The following INPP5A variants were observed in gnomAD, a reference collection of about 807,000 sequenced individuals.
INPP5A encodes inositol polyphosphate-5-phosphatase A.
Under a neutral mutation model 65.2 loss-of-function variants are expected in INPP5A, and 14 were observed. The observed-to-expected ratio is 0.21, with a 90% CI of 0.14 to 0.34. The LOEUF is 0.34. Among genes scored for constraint, INPP5A ranks in the 10% least tolerant of loss-of-function variants. The probability of loss-of-function intolerance (pLI) is 1.00; values close to 1 mark genes in which losing one functional copy is unlikely to be tolerated. For synonymous variants in INPP5A, 207 were observed against 208.3 expected, an observed-to-expected ratio of 0.99 and a Z score of 0.05; for missense variants, 431 against 545.6, an observed-to-expected ratio of 0.79 and a Z score of 2.09.
rs546813822 is a variant in INPP5A at position 132,543,473 on chromosome 10, A to G, written c.75+5302A>G. 3.3e-5 allele frequency among the ~76,000 whole-genome samples: 5 copies of G among 152,248 alleles called. No individual in the cohort carries two copies. The East Asian group carries it at 5.8e-4, about 18-fold the overall frequency. ...TGCTGTTCACCCAGACTGGAATGCA[A>G]TGGTGTGATCGCAGCTCACTGTAGC... On this transcript the variant is annotated intron_variant, in intron 1 of 15. Transcript: ENST00000368594.
At chr10:132,638,621 G>A (rs948694567) in intron 2 of INPP5A, among the ~76,000 whole-genome samples, 5 of 152,186 alleles carry the variant, frequency 3.3e-5, no homozygotes, top group African/African-American at 1.2e-4. Flanking sequence ...AGGCTGGAGT[G>A]CAGTGGCACA....
rs549738630 is a variant in INPP5A, at chr10:132,642,982, C to T, written c.118-2886C>T. Among the ~76,000 whole-genome samples, 13 of 152,264 alleles carry T rather than the reference C, an allele frequency of 8.5e-5. No homozygotes were observed. The East Asian group carries it at 2.3e-3, about 27-fold the overall frequency. On this transcript the variant is annotated intron_variant, in intron 2 of 15. Coordinates refer to ENST00000368594, the MANE Select transcript of INPP5A (RefSeq NM_005539.5). ...CAGTACAAAGCAGGTGTTGCCAGGTCGCTCTGTGGGAGATGTTGACTTTAA... is the reference window on the plus strand; with the variant it reads ...CAGTACAAAGCAGGTGTTGCCAGGTTGCTCTGTGGGAGATGTTGACTTTAA...
At position 132,709,782 on chromosome 10, in the gene INPP5A, G is replaced by A. The variant is rs1306753626; in HGVS notation, c.528-555G>A. 2.0e-5 allele frequency among the ~76,000 whole-genome samples: 3 copies of A among 152,354 alleles called. No individual in the cohort carries two copies. In the East Asian group the frequency reaches 5.8e-4, roughly 29 times the overall value. ...TCCCCTGGTGAGAGGGCACGTCCTT[G>A]CCAGCTGAAGGTGCTGAGGGTCCCC... On this transcript the variant is annotated intron_variant, in intron 7 of 15. Transcript: ENST00000368594.
At position 132,738,948 on chromosome 10, in the gene INPP5A, A is replaced by T. The variant is rs949467271; in HGVS notation, c.733-10569A>T. 2.0e-4 allele frequency among the ~76,000 whole-genome samples: 31 copies of T among 152,246 alleles called. No individual in the cohort carries two copies. The Middle Eastern group carries it at 0.01, about 50-fold the overall frequency. On this transcript the variant is annotated intron_variant, in intron 9 of 15. Coordinates refer to ENST00000368594, the MANE Select transcript of INPP5A (RefSeq NM_005539.5). ...TCACGGTGGGCACTTTTGTCAAGTG[A>T]TAGGGTCCCCCTTCGGGTCTAGGGT...
At chr10:132,552,463 G>A (rs1368557932) in intron 1 of INPP5A, among the ~76,000 whole-genome samples, 2 of 137,592 alleles carry the variant, frequency 1.5e-5, no homozygotes, top group Non-Finnish European at 3.1e-5. Context: ...AGGGAGGATT[G>A]GTGAATGCCT....
chr10:132,554,522 G>C (rs993121357), intron 1 of INPP5A, among the ~76,000 whole-genome samples: 66 of 152,326 alleles, frequency 4.3e-4, no homozygotes, highest in African/African-American at 1.5e-3. Flanking sequence ...GAAGCTGCGT[G>C]GTTGGTGCGG....
In INPP5A at chr10:132,587,411, G is replaced by A. The variant is rs2071558268; in HGVS notation, c.76-20504G>A. 6.6e-6 allele frequency among the ~76,000 whole-genome samples: 1 copy of A among 152,216 alleles called. No individual in the cohort carries two copies. Among genetic ancestry groups the A allele is most frequent in the Non-Finnish European group, 1.5e-5 (1 of 68,036 alleles). On this transcript the variant is annotated intron_variant, in intron 1 of 15. Transcript: ENST00000368594. This position sits in a 1 kb window ranked among gnomAD's most constrained non-coding sequence, Gnocchi z 4.3. ...CACAGCCCATGGTGTGCTCTGTGGGGCTGGCAGGGATCCTGGCATGGCCTG... is the reference window on the plus strand; with the variant it reads ...CACAGCCCATGGTGTGCTCTGTGGGACTGGCAGGGATCCTGGCATGGCCTG...
chr10:132,628,294 C>T (rs1176265672), intron 2 of INPP5A, among the ~76,000 whole-genome samples: 2 of 151,764 alleles, frequency 1.3e-5, no homozygotes, highest in African/African-American at 4.9e-5. Context: ...CCTCACCGTG[C>T]CCCGCTTCCT....
At chr10:132,596,935 G>GCATGTGTGCACGTGTGCGCA (rs1554932704) in intron 1 of INPP5A, among the ~76,000 whole-genome samples, 7 of 26,028 alleles carry the variant, frequency 2.7e-4, no homozygotes, top group African/African-American at 7.0e-4. Flanking sequence ...GCATGTGCAC[G>GCATGTGTGCACGTGTGCGCA]CATGTGTGCG....
intron 4 of INPP5A, among the ~76,000 whole-genome samples, chr10:132,689,478 G>A (rs1211414828): frequency 2.6e-5 from 4 of 152,238 alleles, no homozygotes; most frequent in Non-Finnish European, 5.9e-5. Flanking sequence ...AACGATTAAT[G>A]TATAGATGGT....
chr10:132,596,935 GCATGTGTGCGTGTGTGCACA>G (rs1216012705), intron 1 of INPP5A, among the ~76,000 whole-genome samples: 16 of 26,026 alleles, frequency 6.1e-4, no homozygotes, highest in African/African-American at 1.4e-3. Context: ...GCATGTGCAC[GCATGTGTGCGTGTGTGCACA>G]CATGTGTGCG....
intron 12 of INPP5A, among the ~76,000 whole-genome samples, chr10:132,771,547 A>G (rs1264090920): frequency 6.6e-6 from 1 of 152,220 alleles, no homozygotes; most frequent in African/African-American, 2.4e-5. Context: ...AGGGACCCAC[A>G]GGGGGCCACA....
intron 8 of INPP5A, among the ~76,000 whole-genome samples, chr10:132,724,182 G>T (rs1308535632): frequency 6.6e-6 from 1 of 152,148 alleles, no homozygotes; most frequent in Non-Finnish European, 1.5e-5. Flanking sequence ...TAAAAGATCT[G>T]CAGAAAAGAA....
intron 4 of INPP5A, among the ~76,000 whole-genome samples, chr10:132,680,572 C>T (rs189847506): frequency 3.3e-5 from 5 of 152,368 alleles, no homozygotes; most frequent in Non-Finnish European, 7.4e-5. Context: ...ACTGGAGGAG[C>T]CCTTCAGCCC....
chr10:132,544,245 A>G (rs539258781), intron 1 of INPP5A, among the ~76,000 whole-genome samples: 66 of 152,314 alleles, frequency 4.3e-4, no homozygotes, highest in African/African-American at 1.5e-3. Context: ...GCTAGCCTGC[A>G]GTAGGTGGGG....
At chr10:132,712,612 G>A (rs1204865631) in intron 8 of INPP5A, among the ~76,000 whole-genome samples, 2 of 151,152 alleles carry the variant, frequency 1.3e-5, no homozygotes, top group African/African-American at 4.9e-5. Context: ...GGGTGTGTGG[G>A]TGCATGTGTG....
At chr10:132,604,746 T>G (rs1169490178) in intron 1 of INPP5A, among the ~76,000 whole-genome samples, 1 of 152,218 alleles carries the variant, frequency 6.6e-6, no homozygotes, top group Non-Finnish European at 1.5e-5. Flanking sequence ...GGGTCACCTA[T>G]TGGTCTGGGG....
Position 132,678,286 on chromosome 10 carries a change from A to T in INPP5A, c.307-12106A>T, listed in dbSNP as rs2072995976. ...TGGGTCAGCCGCCCATGAGTTCATTATACAGGAAAAGATCAATGAAGCGCT... is the reference window on the plus strand; with the variant it reads ...TGGGTCAGCCGCCCATGAGTTCATTTTACAGGAAAAGATCAATGAAGCGCT... On this transcript the variant is annotated intron_variant, in intron 4 of 15. Transcript: ENST00000368594. The surrounding 1 kb of genome is among the most constrained non-coding windows in gnomAD (Gnocchi z 4.1). Among the ~76,000 whole-genome samples, 3 of 152,230 alleles carry T rather than the reference A, an allele frequency of 2.0e-5. No individual in the cohort carries two copies. In the South Asian group the frequency reaches 6.2e-4, roughly 31 times the overall value.
At chr10:132,763,855 A>G (rs1214210887) in intron 11 of INPP5A, among the ~76,000 whole-genome samples, 3 of 152,290 alleles carry the variant, frequency 2.0e-5, no homozygotes, top group Non-Finnish European at 4.4e-5. Flanking sequence ...ATGCCTGTGC[A>G]TGCATAAACG....
Sources: allele counts gnomAD v4.1 joint callset (sites outside exome capture counted in the v4.1 genomes callset), GRCh38; gene constraint gnomAD v4.1.1; non-coding constraint Gnocchi (gnomAD v3.1); transcripts MANE v1.5; gene names NCBI Gene and HGNC (gene_info 2026-07-23, HGNC 2026-07-21).